ADGRF5: variants seen among roughly 807,000 people sequenced by gnomAD.
ADGRF5 encodes the protein G-protein coupled receptor 116.
A neutral mutation model predicts 132.3 loss-of-function variants in ADGRF5; 75 were observed. The ratio of observed to expected loss-of-function variants is 0.57; its 90% confidence interval spans 0.47 to 0.69. The LOEUF is 0.69. Ranked by LOEUF, ADGRF5 falls within the 30% of genes least tolerant of loss-of-function variation. The probability of loss-of-function intolerance (pLI) is 0.00; values close to 1 mark genes in which losing one functional copy is unlikely to be tolerated. For missense variants in ADGRF5, 1,516 were observed against 1,630.6 expected (o/e 0.93, Z 1.21); for synonymous variants, 629 against 597.6 (o/e 1.05, Z -0.77).
chr6:46,928,609 A>T (rs1400833289), intron 1 of ADGRF5, among the ~76,000 whole-genome samples: 2 of 151,970 alleles, frequency 1.3e-5, no homozygotes, highest in African/African-American at 2.4e-5. Context: ...ATCTATGGGG[A>T]TAACAAACAT....
intron 1 of ADGRF5, among the ~76,000 whole-genome samples, chr6:46,929,478 A>C (rs952491351): frequency 2.7e-4 from 39 of 147,116 alleles, no homozygotes; most frequent in Non-Finnish European, 4.3e-4. Context: ...TGTACCCTAA[A>C]ACTTAAAGTA....
rs1355132944 is a variant in ADGRF5, at chr6:46,859,026, G to A, written c.2877C>T (p.Phe959=). 1 of 1,614,172 alleles carries A rather than the reference G, an allele frequency of 6.2e-7. No homozygotes were observed. Among genetic ancestry groups the A allele is most frequent in the Admixed American group, 1.7e-5 (1 of 60,034 alleles). ...GGETKCVFWN[F]RLANNTGGWD... ...ACCCCCCTGTGTTGTTGGCAAGCCT[G>A]AAGTTCCAGAAGACACACTTCGTTT... Residue 959 remains phenylalanine (F), a synonymous_variant, in exon 17 of 21, where the codon TTC becomes TTT. Transcript: ENST00000283296.
intron 1 of ADGRF5, among the ~76,000 whole-genome samples, chr6:46,936,106 G>A (rs1332806395): frequency 6.6e-6 from 1 of 152,202 alleles, no homozygotes; most frequent in African/African-American, 2.4e-5. Flanking sequence ...TAGGCACAGT[G>A]TGTCGGGTCC....
chr6:46,951,470 C>A (rs2113847641), intron 1 of ADGRF5, among the ~76,000 whole-genome samples: 1 of 152,298 alleles, frequency 6.6e-6, no homozygotes, highest in South Asian at 2.1e-4. Context: ...TGATACTATG[C>A]CCTTCTCCAC....
At chr6:46,906,111 A>C (rs1338528095) in intron 2 of ADGRF5, among the ~76,000 whole-genome samples, 1 of 152,298 alleles carries the variant, frequency 6.6e-6, no homozygotes, top group East Asian at 1.9e-4. Context: ...CTAAACTCTC[A>C]TTGACTTTCC....
At chr6:46,952,980 T>A (rs780592773) in intron 1 of ADGRF5, among the ~76,000 whole-genome samples, 2 of 151,942 alleles carry the variant, frequency 1.3e-5, no homozygotes, top group Non-Finnish European at 2.9e-5. Flanking sequence ...TGAATAGAGG[T>A]GTCCCAGGCA....
In ADGRF5 at chr6:46,879,310, C is replaced by A. The variant is rs189655615; in HGVS notation, c.1036+508G>T. On this transcript the variant is annotated intron_variant, in intron 9 of 20. Coordinates refer to ENST00000283296, the MANE Select transcript of ADGRF5 (RefSeq NM_001098518.2). ...ACGGTGATATGATTTGGCTCTGTGTCCCCTCCCAAATCTCATGTCGAATTA... is the reference window on the plus strand; with the variant it reads ...ACGGTGATATGATTTGGCTCTGTGTACCCTCCCAAATCTCATGTCGAATTA... Among the ~76,000 whole-genome samples the A allele has an allele frequency of 2.0e-5, 3 of 151,372 alleles. No homozygotes were observed. In the South Asian group the frequency reaches 6.2e-4, roughly 31 times the overall value.
intron 10 of ADGRF5, among the ~76,000 whole-genome samples, chr6:46,874,138 C>A (rs1447980559): frequency 2.0e-5 from 3 of 152,202 alleles, no homozygotes; most frequent in Non-Finnish European, 4.4e-5. Flanking sequence ...ACCTTTAAAA[C>A]CTTACCATTG....
chr6:46,931,610 G>T (rs12175388), intron 1 of ADGRF5, among the ~76,000 whole-genome samples: 2,515 of 152,312 alleles, frequency 0.017, 77 homozygotes, highest in South Asian at 0.13. Context: ...CCTTAAGTTG[G>T]TGTGCCTAAG....
intron 4 of ADGRF5, chr6:46,887,101 A>G (rs1773139959): frequency 6.6e-6 from 1 of 152,192 alleles, no homozygotes. Flanking sequence ...AATATATGTA[A>G]GATAAACTCA....
intron 14 of ADGRF5, among the ~76,000 whole-genome samples, chr6:46,863,601 C>T (rs1053769020): frequency 6.6e-6 from 1 of 152,100 alleles, no homozygotes; most frequent in African/African-American, 2.4e-5. Flanking sequence ...TTCTGGTTTC[C>T]CTTAGAGGTG....
At chr6:46,934,151 C>T (rs944429284) in intron 1 of ADGRF5, among the ~76,000 whole-genome samples, 2 of 152,136 alleles carry the variant, frequency 1.3e-5, no homozygotes, top group Non-Finnish European at 2.9e-5. Context: ...TGAGTGACCT[C>T]TTGCCCCTGA....
At chr6:46,887,483 GA>G in intron 4 of ADGRF5, among the ~76,000 whole-genome samples, 1 of 152,308 alleles carries the variant, frequency 6.6e-6, no homozygotes, top group South Asian at 2.1e-4. Context: ...GCTAATGGTA[GA>G]AATCAGTGGG....
Position 46,881,558 on chromosome 6 carries a change from T to C in ADGRF5, c.711A>G (p.Thr237=). 6.2e-7 allele frequency: 1 copy of C among 1,613,790 alleles called. No individual in the cohort carries two copies. The highest frequency in any genetic ancestry group is 2.2e-5 in the East Asian group (1 of 44,874). Residue 237 remains threonine, a synonymous_variant, in exon 8 of 21, where the codon ACA becomes ACG. Transcript: ENST00000283296. ...TATGTATTAACTCAAGTGATGGTGG[T>C]GTAGTCTTGACTTCATATGTCACAA... is the stretch of plus-strand genomic sequence containing the variant. ...SVVVTYEVKT[T]PPSLELIHKA...
intron 8 of ADGRF5, among the ~76,000 whole-genome samples, 181 bp downstream of exon 8, chr6:46,881,274 C>T (rs946335247): frequency 6.6e-6 from 1 of 152,160 alleles, no homozygotes; most frequent in Non-Finnish European, 1.5e-5. Flanking sequence ...TCCACACACC[C>T]CAGGTACAGT....
intron 9 of ADGRF5, 97 bp from the exon 10 acceptor site, chr6:46,878,502 A>T: frequency 1.3e-6 from 1 of 745,928 alleles, no homozygotes; most frequent in East Asian, 2.7e-5. Flanking sequence ...GTACTTCATG[A>T]AGTATCATTT....
chr6:46,887,532 T>A (rs558654222), intron 4 of ADGRF5, among the ~76,000 whole-genome samples: 1 of 152,328 alleles, frequency 6.6e-6, no homozygotes, highest in African/African-American at 2.4e-5. Flanking sequence ...GAGCTATGAC[T>A]TCGAGTAACA....
chr6:46,931,493 A>G (rs1265868300), intron 1 of ADGRF5, among the ~76,000 whole-genome samples: 1 of 152,164 alleles, frequency 6.6e-6, no homozygotes, highest in Non-Finnish European at 1.5e-5. Flanking sequence ...ACCCTGTAGC[A>G]CCATTTGACA....
intron 1 of ADGRF5, among the ~76,000 whole-genome samples, chr6:46,935,457 G>A (rs1023701353): frequency 2.0e-5 from 3 of 152,140 alleles, no homozygotes; most frequent in Admixed American, 6.5e-5. Flanking sequence ...CTTCATGCAA[G>A]CACAGGAGAC....
Sources: allele counts gnomAD v4.1 joint callset (sites outside exome capture counted in the v4.1 genomes callset), GRCh38; gene constraint gnomAD v4.1.1; transcripts MANE v1.5; gene names NCBI Gene and HGNC (gene_info 2026-07-23, HGNC 2026-07-21).